The following ASTN2 variants were observed in gnomAD, a reference collection of about 807,000 sequenced individuals.
ASTN2 encodes the protein astrotactin-2.
A neutral mutation model predicts 139.8 loss-of-function variants in ASTN2; 54 were observed. The observed-to-expected ratio is 0.39, with a 90% CI of 0.31 to 0.48. ASTN2 has a LOEUF of 0.48. ASTN2 is among the 20% of genes least tolerant of loss of function. ASTN2 has a pLI of 0.95. For missense variants in ASTN2, 1,565 were observed against 1,725.1 expected, an observed-to-expected ratio of 0.91 and a Z score of 1.64; for synonymous variants, 756 against 719.5, an observed-to-expected ratio of 1.05 and a Z score of -0.81.
intron 1 of ASTN2, among the ~76,000 whole-genome samples, chr9:117,408,532 G>A (rs552845276): frequency 1.3e-5 from 2 of 152,284 alleles, no homozygotes; most frequent in South Asian, 4.1e-4. Flanking sequence ...AAGGCTTAGT[G>A]TATAACAAAG....
chr9:116,461,534 C>A lies in ASTN2; in HGVS notation c.3498-18981G>T, dbSNP rs1848487440. Among the ~76,000 whole-genome samples the A allele has an allele frequency of 2.6e-5, 4 of 152,006 alleles. No individual in the cohort carries two copies. In the South Asian group the frequency reaches 8.3e-4, roughly 32 times the overall value. On this transcript the variant is annotated intron_variant, in intron 20 of 22. Transcript: ENST00000313400. Reference sequence around the variant, plus strand: ...GTGGTCTCTCCTACATAAAAGCTATCCATGGCATCTCACTCCTAGAATATT... The same window carrying A: ...GTGGTCTCTCCTACATAAAAGCTATACATGGCATCTCACTCCTAGAATATT...
intron 17 of ASTN2, among the ~76,000 whole-genome samples, chr9:116,621,798 C>T (rs1302532023): frequency 6.6e-6 from 1 of 152,172 alleles, no homozygotes; most frequent in Non-Finnish European, 1.5e-5. Flanking sequence ...GTAAAGAGAA[C>T]TTGGAAGGCA....
chr9:116,932,983 G>A (rs1290490652), intron 10 of ASTN2, among the ~76,000 whole-genome samples: 1 of 137,120 alleles, frequency 7.3e-6, no homozygotes, highest in African/African-American at 2.8e-5. Context: ...TCCAGCCTGG[G>A]TGACAGAGCG....
rs371134742 is a variant in ASTN2, at chr9:116,571,812, CGT to C, written c.3355+46510_3355+46511del. 2.6e-4 allele frequency among the ~76,000 whole-genome samples: 39 copies of C among 151,990 alleles called. No homozygotes were observed. The East Asian group carries it at 6.0e-3, about 23-fold the overall frequency. Reference sequence around the variant, plus strand: ...CTACTGTATGTGTCTGTGTGCTTCCCGTGTGTGTGTGACCGTGTCTCTTTGTT... The same window carrying C: ...CTACTGTATGTGTCTGTGTGCTTCCCGTGTGTGTGACCGTGTCTCTTTGTT... On this transcript the variant is annotated intron_variant, in intron 19 of 22. Transcript: ENST00000313400.
chr9:116,681,274 A>G (rs1413695244), intron 16 of ASTN2, among the ~76,000 whole-genome samples: 1 of 152,218 alleles, frequency 6.6e-6, no homozygotes, highest in African/African-American at 2.4e-5. Context: ...CCCATTCACA[A>G]TTGCTTCAAA....
rs760653222 is a variant in ASTN2 at position 116,618,354 on chromosome 9, C to T, written c.3325G>A (p.Asp1109Asn). The T allele has an allele frequency of 1.9e-6, 3 of 1,614,134 alleles. No homozygotes were observed. The highest frequency in any genetic ancestry group is 2.2e-5 in the South Asian group (2 of 91,078). The change falls in exon 19 of 23, where the codon GAT (aspartate) becomes AAT (asparagine). Residue 1109 changes from aspartate (D) to asparagine (N), a missense_variant. Around this residue, in one of 4 missense-constraint regions of ASTN2, gnomAD observed 418 missense variants for 465.8 expected, o/e 0.90. Transcript: ENST00000313400. ...SDYILQHKKV[D>N]EYTDTDLYTG... ...TACAGGTCAGTGTCTGTGTATTCAT[C>T]CACTTTCTTATGCTGCAGAATATAG... is the stretch of plus-strand genomic sequence containing the variant.
intron 12 of ASTN2, among the ~76,000 whole-genome samples, chr9:116,807,734 CTCTT>C (rs1831064674): frequency 6.6e-6 from 1 of 152,114 alleles, no homozygotes; most frequent in Non-Finnish European, 1.5e-5. Flanking sequence ...TTCTCTCTCT[CTCTT>C]TATTTCTCTC....
chr9:116,978,499 A>G (rs551987799), intron 7 of ASTN2, among the ~76,000 whole-genome samples: 3 of 136,912 alleles, frequency 2.2e-5, no homozygotes, highest in African/African-American at 8.0e-5. Flanking sequence ...TCTCACGCAC[A>G]CACACACACA....
intron 4 of ASTN2, among the ~76,000 whole-genome samples, chr9:117,098,824 A>AGGGCT (rs1287872774): frequency 1.6e-3 from 245 of 151,704 alleles, no homozygotes; most frequent in African/African-American, 5.6e-3. Flanking sequence ...AGAAGGGAGA[A>AGGGCT]GGGCTGGGCA....
At position 117,167,580 on chromosome 9, in the gene ASTN2, G is replaced by C. The variant is rs532149827; in HGVS notation, c.1016-26102C>G. ...TAACTTTCTGGGAGTTGGAAATATT[G>C]GCTGAAAACATCATTTTCTCTTTTG... On this transcript the variant is annotated intron_variant, in intron 3 of 22. Transcript: ENST00000313400. Among the ~76,000 whole-genome samples, 3 of 152,146 alleles carry C rather than the reference G, an allele frequency of 2.0e-5. No homozygotes were observed. In the South Asian group the frequency reaches 6.2e-4, roughly 32 times the overall value.
At chr9:116,649,394 GA>G (rs1386245030) in intron 17 of ASTN2, among the ~76,000 whole-genome samples, 4 of 151,812 alleles carry the variant, frequency 2.6e-5, no homozygotes, top group African/African-American at 9.7e-5. Flanking sequence ...CCAACATGGT[GA>G]AACCCCATCT....
At chr9:116,621,704 C>T (rs1483681957) in intron 17 of ASTN2, among the ~76,000 whole-genome samples, 2 of 152,284 alleles carry the variant, frequency 1.3e-5, no homozygotes, top group East Asian at 3.9e-4. Flanking sequence ...CATGAATATT[C>T]CTGTGGGACC....
intron 20 of ASTN2, among the ~76,000 whole-genome samples, chr9:116,452,985 C>T (rs534524937): frequency 6.6e-6 from 1 of 152,154 alleles, no homozygotes; most frequent in Non-Finnish European, 1.5e-5. Context: ...CAAAGCCAAG[C>T]TCAGAGGAGG....
At chr9:116,936,215 CCACCACCACTACCACCAT>C (rs1224039524) in intron 10 of ASTN2, among the ~76,000 whole-genome samples, 2 of 139,452 alleles carry the variant, frequency 1.4e-5, no homozygotes, top group Admixed American at 7.3e-5. Flanking sequence ...ACCATCACCA[CCACCACCACTACCACCAT>C]CACCACCACC....
chr9:117,194,485 C>A (rs562658997), intron 3 of ASTN2, among the ~76,000 whole-genome samples: 1 of 152,340 alleles, frequency 6.6e-6, no homozygotes, highest in South Asian at 2.1e-4. Context: ...CATGTAATGA[C>A]AATGTGTATT....
intron 2 of ASTN2, among the ~76,000 whole-genome samples, chr9:117,225,535 G>GTATGTATATATATATATATATA (rs369914209): frequency 7.8e-5 from 5 of 63,954 alleles, no homozygotes; most frequent in Non-Finnish European, 1.0e-4. Flanking sequence ...CAAGCTGTAT[G>GTATGTATATATATATATATATA]TATATATATA....
chr9:116,521,387 A>C (rs1394854783), intron 19 of ASTN2, among the ~76,000 whole-genome samples: 1 of 152,080 alleles, frequency 6.6e-6, no homozygotes, highest in Non-Finnish European at 1.5e-5. Flanking sequence ...ACAAAAACAT[A>C]AAGTGGGAAA....
chr9:116,857,906 A>G (rs1182171461), intron 11 of ASTN2, among the ~76,000 whole-genome samples: 1 of 152,172 alleles, frequency 6.6e-6, no homozygotes, highest in Non-Finnish European at 1.5e-5. Context: ...GAGGCTGGGG[A>G]CTAAGAAGCC....
intron 4 of ASTN2, among the ~76,000 whole-genome samples, chr9:117,111,352 A>G (rs768004628): frequency 8.5e-5 from 13 of 152,196 alleles, no homozygotes; most frequent in Non-Finnish European, 1.9e-4. Context: ...AATGACTAAA[A>G]ATGTGAGGAC....
Sources: allele counts gnomAD v4.1 joint callset (sites outside exome capture counted in the v4.1 genomes callset), GRCh38; gene constraint gnomAD v4.1.1; regional missense constraint gnomAD v4.1.1; transcripts MANE v1.5; gene names NCBI Gene and HGNC (gene_info 2026-07-23, HGNC 2026-07-21).